Variants in SLC9A9 observed in about 807,000 individuals in gnomAD.
SLC9A9 encodes the protein solute carrier family 9 member A9.
SLC9A9 carries 62 observed loss-of-function variants against 77.8 expected under a neutral mutation model. That is an observed-to-expected ratio of 0.80 (90% CI 0.65 to 0.98). SLC9A9 has a LOEUF of 0.98. SLC9A9 is among the 50% of genes least tolerant of loss of function. The probability of loss-of-function intolerance (pLI) is 0.00; values close to 1 mark genes in which losing one functional copy is unlikely to be tolerated. For synonymous variants in SLC9A9, 320 were observed against 283.5 expected, an observed-to-expected ratio of 1.13 and a Z score of -1.29; for missense variants, 775 against 774.9, an observed-to-expected ratio of 1.00 and a Z score of 0.00.
intron 11 of SLC9A9, among the ~76,000 whole-genome samples, chr3:143,491,414 A>G (rs1053519610): frequency 1.3e-5 from 2 of 152,184 alleles, no homozygotes; most frequent in Non-Finnish European, 2.9e-5. Flanking sequence ...TAGTGCAAAA[A>G]CAGCCGTAGA....
At chr3:143,574,623 C>A (rs2037325638) in intron 7 of SLC9A9, among the ~76,000 whole-genome samples, 1 of 152,094 alleles carries the variant, frequency 6.6e-6, no homozygotes, top group South Asian at 2.1e-4. Context: ...GGGCAGACGA[C>A]CTGGTAGAGT....
chr3:143,813,043 A>G (rs1164685179), intron 2 of SLC9A9, among the ~76,000 whole-genome samples: 2 of 152,092 alleles, frequency 1.3e-5, no homozygotes, highest in Admixed American at 6.6e-5. Flanking sequence ...GGTGGCAGGA[A>G]GAAGGGCATT....
intron 14 of SLC9A9, among the ~76,000 whole-genome samples, chr3:143,275,183 A>G (rs1938009514): frequency 6.6e-6 from 1 of 152,242 alleles, no homozygotes; most frequent in Admixed American, 6.5e-5. Flanking sequence ...TACTTTGAGC[A>G]CATTAAATGT....
chr3:143,687,564 C>T (rs73007459), intron 5 of SLC9A9, among the ~76,000 whole-genome samples: 14,637 of 152,018 alleles, frequency 0.096, 786 homozygotes, highest in South Asian at 0.12. Flanking sequence ...GAGGTTGGAA[C>T]CTCAGAATAT....
At chr3:143,785,867 T>C (rs2008036946) in intron 4 of SLC9A9, among the ~76,000 whole-genome samples, 1 of 113,876 alleles carries the variant, frequency 8.8e-6, no homozygotes. Context: ...TTTTTTTTTT[T>C]TTTTTTTGAG....
intron 8 of SLC9A9, among the ~76,000 whole-genome samples, chr3:143,561,289 C>G (rs375306039): frequency 2.0e-5 from 3 of 152,124 alleles, no homozygotes; most frequent in African/African-American, 7.2e-5. Flanking sequence ...CTATCAAAAC[C>G]AATGGGATAA....
At chr3:143,699,244 T>G (rs1933727935) in intron 4 of SLC9A9, among the ~76,000 whole-genome samples, 1 of 152,138 alleles carries the variant, frequency 6.6e-6, no homozygotes, top group African/African-American at 2.4e-5. Flanking sequence ...ACTTTTTATT[T>G]TGAGATAGAG....
chr3:143,806,312 C>G (rs1291891951), intron 2 of SLC9A9, among the ~76,000 whole-genome samples: 7 of 152,166 alleles, frequency 4.6e-5, no homozygotes, highest in Admixed American at 4.6e-4. Flanking sequence ...ACCGGCCACT[C>G]TCTGTTCTGT....
At chr3:143,819,531 G>T (rs1331132405) in intron 2 of SLC9A9, among the ~76,000 whole-genome samples, 2 of 152,070 alleles carry the variant, frequency 1.3e-5, no homozygotes, top group East Asian at 1.9e-4. Flanking sequence ...CAGAACTTTG[G>T]TTCCTCCTCT....
intron 14 of SLC9A9, among the ~76,000 whole-genome samples, chr3:143,325,063 C>G (rs1320829169): frequency 6.8e-6 from 1 of 146,028 alleles, no homozygotes; most frequent in Non-Finnish European, 1.5e-5. Flanking sequence ...GTTTCTGTCT[C>G]TTCTTATTAA....
chr3:143,622,517 G>T (rs1302789250), intron 6 of SLC9A9, among the ~76,000 whole-genome samples: 9 of 152,142 alleles, frequency 5.9e-5, no homozygotes, highest in Admixed American at 5.2e-4. Context: ...GCCAAACTAA[G>T]CTTCATAAGT....
At chr3:143,668,110 A>T (rs9758594) in intron 5 of SLC9A9, among the ~76,000 whole-genome samples, 1 of 152,136 alleles carries the variant, frequency 6.6e-6, no homozygotes, top group Non-Finnish European at 1.5e-5. Flanking sequence ...GACTAGATTA[A>T]GGAAATGTGG....
At chr3:143,703,427 T>C (rs1375798169) in intron 4 of SLC9A9, among the ~76,000 whole-genome samples, 1 of 151,984 alleles carries the variant, frequency 6.6e-6, no homozygotes, top group Non-Finnish European at 1.5e-5. Flanking sequence ...TTGGAAACTA[T>C]ACAAACACAT....
chr3:143,510,939 G>A (rs1261446238), intron 9 of SLC9A9, among the ~76,000 whole-genome samples: 1 of 152,162 alleles, frequency 6.6e-6, no homozygotes, highest in Non-Finnish European at 1.5e-5. Flanking sequence ...GACCATCAAT[G>A]TCTGCCTGTT....
intron 14 of SLC9A9, among the ~76,000 whole-genome samples, chr3:143,286,969 T>C (rs1410521689): frequency 6.6e-6 from 1 of 152,320 alleles, no homozygotes; most frequent in East Asian, 1.9e-4. Flanking sequence ...AGCAAAACTC[T>C]CCATGTCTCA....
chr3:143,528,170 A>G (rs370939747), intron 9 of SLC9A9, among the ~76,000 whole-genome samples: 2 of 152,232 alleles, frequency 1.3e-5, no homozygotes, highest in Non-Finnish European at 2.9e-5. Flanking sequence ...TTTTGGGCTC[A>G]GATTCCTGTG....
intron 12 of SLC9A9, among the ~76,000 whole-genome samples, chr3:143,408,984 C>T (rs144856264): frequency 1.2e-3 from 182 of 152,312 alleles, no homozygotes; most frequent in African/African-American, 3.9e-3. Context: ...CTGCCGGGAC[C>T]GCATTTTGAC....
chr3:143,755,216 AGC>A (rs946645953), intron 4 of SLC9A9, among the ~76,000 whole-genome samples: 1 of 152,144 alleles, frequency 6.6e-6, no homozygotes, highest in Non-Finnish European at 1.5e-5. Context: ...GATGATCCCC[AGC>A]AGCCCCTAAG....
At chr3:143,402,913 TA>T (rs1666018182) in intron 12 of SLC9A9, among the ~76,000 whole-genome samples, 1 of 124,768 alleles carries the variant, frequency 8.0e-6, no homozygotes, top group Admixed American at 8.0e-5. Flanking sequence ...TAAAAAATCA[TA>T]TTTTTTGTTA....
Sources: allele counts gnomAD v4.1 joint callset (sites outside exome capture counted in the v4.1 genomes callset), GRCh38; gene constraint gnomAD v4.1.1; transcripts MANE v1.5; gene names NCBI Gene and HGNC (gene_info 2026-07-23, HGNC 2026-07-21).